Variants in SPIDR observed in about 807,000 individuals in gnomAD.
SPIDR encodes DNA repair-scaffolding protein.
SPIDR carries 93 observed loss-of-function variants against 104.6 expected under a neutral mutation model. The ratio of observed to expected loss-of-function variants is 0.89; its 90% CI spans 0.75 to 1.06. The LOEUF (loss-of-function observed/expected upper bound fraction) is 1.06, where lower values mean the gene tolerates loss of function less well. Among genes scored for constraint, SPIDR ranks in the 50% least tolerant of loss-of-function variants. The probability of loss-of-function intolerance (pLI) is 0.00; values close to 1 mark genes in which losing one functional copy is unlikely to be tolerated. For missense variants in SPIDR, 1,154 were observed against 1,111.2 expected (o/e 1.04, Z -0.55); for synonymous variants, 431 against 416.9 (o/e 1.03, Z -0.41).
chr8:47,437,042 T>A (rs1049154201), intron 7 of SPIDR, among the ~76,000 whole-genome samples: 1 of 152,352 alleles, frequency 6.6e-6, no homozygotes, highest in South Asian at 2.1e-4. Context: ...TTTGGTGCTA[T>A]AGATCTTGAT....
intron 8 of SPIDR, among the ~76,000 whole-genome samples, chr8:47,494,324 C>G (rs759705944): frequency 2.0e-5 from 3 of 151,242 alleles, no homozygotes; most frequent in African/African-American, 4.9e-5. Context: ...GGGTCTCACT[C>G]TGTTGCCCAG....
intron 5 of SPIDR, among the ~76,000 whole-genome samples, chr8:47,336,265 C>T (rs1554609147): frequency 1.3e-5 from 2 of 152,162 alleles, no homozygotes; most frequent in East Asian, 1.9e-4. Context: ...GTTATGAATA[C>T]TGTTGCTCTG....
At chr8:47,306,712 T>C (rs2043149918) in intron 5 of SPIDR, among the ~76,000 whole-genome samples, 1 of 152,230 alleles carries the variant, frequency 6.6e-6, no homozygotes, top group Admixed American at 6.5e-5. Flanking sequence ...TCATCTGTTA[T>C]TTAGAAAGGT....
intron 5 of SPIDR, among the ~76,000 whole-genome samples, chr8:47,349,932 G>C (rs1379632072): frequency 5.9e-5 from 9 of 152,206 alleles, no homozygotes; most frequent in Admixed American, 5.9e-4. Flanking sequence ...TCCTGGGTGA[G>C]GCGATGCCCC....
chr8:47,301,451 G>T (rs2042075052), intron 5 of SPIDR, among the ~76,000 whole-genome samples: 1 of 152,126 alleles, frequency 6.6e-6, no homozygotes. Flanking sequence ...TACATTTAAG[G>T]TTACTACTGT....
chr8:47,705,684 T>G (rs1187196630), intron 14 of SPIDR, among the ~76,000 whole-genome samples: 2 of 151,936 alleles, frequency 1.3e-5, no homozygotes, highest in Admixed American at 1.3e-4. Flanking sequence ...CTAGAGGATC[T>G]CTTGAGGCCA....
intron 7 of SPIDR, among the ~76,000 whole-genome samples, chr8:47,428,591 T>A (rs1183475925): frequency 1.3e-5 from 2 of 152,260 alleles, no homozygotes; most frequent in Non-Finnish European, 2.9e-5. Flanking sequence ...GGGATTTTTT[T>A]ATGTAACATG....
At chr8:47,295,146 G>A (rs972714269) in intron 5 of SPIDR, among the ~76,000 whole-genome samples, 90 of 152,250 alleles carry the variant, frequency 5.9e-4, no homozygotes, top group Non-Finnish European at 9.4e-4. Context: ...GAAGTTTGAT[G>A]TGAGTCTTTA....
At chr8:47,347,834 T>C (rs1312847845) in intron 5 of SPIDR, among the ~76,000 whole-genome samples, 7 of 152,206 alleles carry the variant, frequency 4.6e-5, no homozygotes, top group African/African-American at 1.7e-4. Flanking sequence ...GTTTTGAGCC[T>C]ATGTGTGTCT....
intron 8 of SPIDR, among the ~76,000 whole-genome samples, chr8:47,520,077 G>C (rs191598093): frequency 6.6e-6 from 1 of 152,156 alleles, no homozygotes; most frequent in Non-Finnish European, 1.5e-5. Context: ...GCCTGAACTT[G>C]ACTATAGATA....
chr8:47,725,063 G>A (rs1229115926), intron 16 of SPIDR, among the ~76,000 whole-genome samples: 1 of 152,198 alleles, frequency 6.6e-6, no homozygotes, highest in African/African-American at 2.4e-5. Flanking sequence ...CTAAATAGAA[G>A]ACTTGTGAGC....
intron 5 of SPIDR, among the ~76,000 whole-genome samples, chr8:47,364,851 A>G (rs2056881466): frequency 6.6e-6 from 1 of 151,978 alleles, no homozygotes; most frequent in African/African-American, 2.4e-5. Flanking sequence ...GTCTCAGGTG[A>G]TTTTCCTGAC....
intron 8 of SPIDR, among the ~76,000 whole-genome samples, chr8:47,497,344 A>G (rs554926698): frequency 6.6e-6 from 1 of 152,302 alleles, no homozygotes; most frequent in African/African-American, 2.4e-5. Flanking sequence ...ATTCACAAAT[A>G]TAAATACTCT....
At chr8:47,291,993 T>C (rs2039994542) in intron 4 of SPIDR, among the ~76,000 whole-genome samples, 1 of 152,166 alleles carries the variant, frequency 6.6e-6, no homozygotes, top group African/African-American at 2.4e-5. Context: ...CCGTGTCCCT[T>C]GCCTTTACCT....
At chr8:47,269,194 G>A (rs2034733682) in intron 1 of SPIDR, among the ~76,000 whole-genome samples, 1 of 145,750 alleles carries the variant, frequency 6.9e-6, no homozygotes, top group Non-Finnish European at 1.5e-5. Flanking sequence ...TTTTTTAAAG[G>A]AGGTAGAAGC....
intron 5 of SPIDR, among the ~76,000 whole-genome samples, chr8:47,306,950 C>G (rs1273690129): frequency 6.6e-6 from 1 of 152,114 alleles, no homozygotes; most frequent in African/African-American, 2.4e-5. Context: ...CTTTTTCTGT[C>G]TTTTAATTTT....
At chr8:47,398,755 C>T (rs184883684) in intron 6 of SPIDR, among the ~76,000 whole-genome samples, 5 of 152,280 alleles carry the variant, frequency 3.3e-5, no homozygotes, top group African/African-American at 1.2e-4. Context: ...ACAGGAGATC[C>T]AGTGCTGGGC....
At chr8:47,581,588 C>A (rs2059701411) in intron 8 of SPIDR, among the ~76,000 whole-genome samples, 1 of 152,140 alleles carries the variant, frequency 6.6e-6, no homozygotes, top group South Asian at 2.1e-4. Context: ...CATCTACCAT[C>A]CAGCTTCAGC....
intron 6 of SPIDR, 147 bp downstream of exon 6, chr8:47,396,773 C>T: frequency 1.2e-6 from 1 of 838,450 alleles, no homozygotes; most frequent in Non-Finnish European, 1.8e-6. Context: ...AGTTGAGGGT[C>T]ATGGCTTTAC....
Sources: allele counts gnomAD v4.1 joint callset (sites outside exome capture counted in the v4.1 genomes callset), GRCh38; gene constraint gnomAD v4.1.1; transcripts MANE v1.5; gene names NCBI Gene and HGNC (gene_info 2026-07-23, HGNC 2026-07-21).